Variants in ENTHD1 observed in about 807,000 individuals in gnomAD.
ENTHD1 encodes ENTH domain-containing protein 1.
ENTHD1 carries 23 observed loss-of-function variants against 39.1 expected under a neutral mutation model. The ratio of observed to expected loss-of-function variants is 0.59; its 90% CI spans 0.42 to 0.83. ENTHD1 has a LOEUF of 0.83. Among genes scored for constraint, ENTHD1 ranks in the 40% least tolerant of loss-of-function variants. The pLI is 0.00. For missense variants in ENTHD1, 624 were observed against 705.4 expected (o/e 0.88, Z 1.31); for synonymous variants, 230 against 258.2 (o/e 0.89, Z 1.05).
chr22:39,828,609 G>A (rs1189322855), intron 4 of ENTHD1, among the ~76,000 whole-genome samples: 1 of 152,034 alleles, frequency 6.6e-6, no homozygotes, highest in African/African-American at 2.4e-5. Flanking sequence ...TGAAGGTTTC[G>A]GTCAGCTTTA....
intron 2 of ENTHD1, among the ~76,000 whole-genome samples, chr22:39,880,748 C>A (rs1471273732): frequency 6.6e-6 from 1 of 152,190 alleles, no homozygotes; most frequent in African/African-American, 2.4e-5. Flanking sequence ...TCCCTTCCAT[C>A]CTGCTATATG....
At chr22:39,875,277 ATACAGT>A in intron 2 of ENTHD1, 1 of 1,230,632 alleles carries the variant, frequency 8.1e-7, no homozygotes, top group Non-Finnish European at 1.0e-6. Context: ...CAACAAATCT[ATACAGT>A]TAAAGAAATT....
intron 2 of ENTHD1, chr22:39,876,034 G>A: frequency 2.9e-5 from 46 of 1,613,922 alleles, no homozygotes; most frequent in South Asian, 6.6e-5. Flanking sequence ...CATCTGGCAG[G>A]ATCAGATTGG....
intron 5 of ENTHD1, among the ~76,000 whole-genome samples, chr22:39,778,520 G>A (rs113400572): frequency 3.3e-5 from 5 of 152,004 alleles, no homozygotes; most frequent in African/African-American, 4.8e-5. Context: ...ATATCATTTC[G>A]ATCATAAATT....
rs921359557 is a variant in ENTHD1, at chr22:39,891,625, A to T, written c.-156+2070T>A. On this transcript the variant is annotated intron_variant, in intron 1 of 6. Coordinates refer to ENST00000325157, the MANE Select transcript of ENTHD1 (RefSeq NM_152512.4). Reference sequence around the variant, plus strand: ...CCTAACTAATTAAAAAAAAAATTTTATTTTTTTTTTTGAGATAGGGTCTTG... The same window carrying T: ...CCTAACTAATTAAAAAAAAAATTTTTTTTTTTTTTTTGAGATAGGGTCTTG... Among the ~76,000 whole-genome samples the T allele has an allele frequency of 5.4e-4, 78 of 143,500 alleles. 1 individual carries two copies. Among genetic ancestry groups the T allele is most frequent in the Admixed American group, 5.3e-3 (76 of 14,364 alleles). 94.1% of individuals were successfully genotyped at this position (143,500 alleles called of 152,430 possible). A position where few individuals can be genotyped will look rare whatever the true frequency, so the allele number is the denominator to read the frequency against.
intron 1 of ENTHD1, among the ~76,000 whole-genome samples, chr22:39,892,231 T>G (rs983100954): frequency 6.6e-6 from 1 of 152,188 alleles, no homozygotes; most frequent in African/African-American, 2.4e-5. Flanking sequence ...GGTCTTTTAG[T>G]GTTATTTTTA....
At chr22:39,826,497 T>G (rs2065827686) in intron 4 of ENTHD1, among the ~76,000 whole-genome samples, 1 of 152,188 alleles carries the variant, frequency 6.6e-6, no homozygotes, top group Admixed American at 6.5e-5. Flanking sequence ...CTGAGTTTCC[T>G]GAGGAAAGAA....
At chr22:39,840,456 C>A (rs1036433078) in intron 3 of ENTHD1, among the ~76,000 whole-genome samples, 16 of 152,196 alleles carry the variant, frequency 1.1e-4, no homozygotes, top group African/African-American at 3.4e-4. Context: ...ATGCACCATA[C>A]ATTTTGGAAA....
At chr22:39,768,378 A>G (rs2065295375) in intron 5 of ENTHD1, among the ~76,000 whole-genome samples, 1 of 152,156 alleles carries the variant, frequency 6.6e-6, no homozygotes, top group South Asian at 2.1e-4. Context: ...ATGAGCATTT[A>G]GGTCCATTTA....
intron 5 of ENTHD1, among the ~76,000 whole-genome samples, chr22:39,810,397 T>C (rs2065676072): frequency 6.6e-6 from 1 of 152,212 alleles, no homozygotes; most frequent in South Asian, 2.1e-4. Flanking sequence ...CCTCTAGTTA[T>C]TTCCATGGTC....
At chr22:39,845,834 TTGTC>T (rs1195238612) in intron 3 of ENTHD1, among the ~76,000 whole-genome samples, 1 of 152,194 alleles carries the variant, frequency 6.6e-6, no homozygotes, top group Non-Finnish European at 1.5e-5. Flanking sequence ...TACTAATCCT[TTGTC>T]AGTTATATGC....
At chr22:39,779,479 A>T (rs2146582427) in intron 5 of ENTHD1, among the ~76,000 whole-genome samples, 1 of 152,266 alleles carries the variant, frequency 6.6e-6, no homozygotes, top group South Asian at 2.1e-4. Flanking sequence ...GGGAGAATTC[A>T]CTACCATCAG....
rs2065847924 is a variant in ENTHD1, at chr22:39,829,171, A to G, written c.711+6669T>C. ...TTGGAATGTAACAAATGCTCCTAAT[A>G]GTAATAAGAAAAGATGCTTGTCAAG... On this transcript the variant is annotated intron_variant, in intron 4 of 6. Transcript: ENST00000325157. Among the ~76,000 whole-genome samples, 8 of 152,356 alleles carry G rather than the reference A, an allele frequency of 5.3e-5. No homozygotes were observed. In the South Asian group the frequency reaches 1.4e-3, roughly 28 times the overall value.
chr22:39,835,641 A>G (rs1569160629), intron 4 of ENTHD1, among the ~76,000 whole-genome samples, 199 bp downstream of exon 4: 1 of 152,152 alleles, frequency 6.6e-6, no homozygotes, highest in African/African-American at 2.4e-5. Context: ...CAAAAGACAA[A>G]TTTAAAAAAA....
chr22:39,869,983 CTTTATTTATTTATTTA>C (rs137943), intron 2 of ENTHD1, among the ~76,000 whole-genome samples: 1 of 140,630 alleles, frequency 7.1e-6, no homozygotes, highest in African/African-American at 2.6e-5. Context: ...GAGAACAGTA[CTTTATTTATTTATTTA>C]TTTATTTATT....
At chr22:39,779,602 T>G (rs1196915120) in intron 5 of ENTHD1, among the ~76,000 whole-genome samples, 1 of 151,496 alleles carries the variant, frequency 6.6e-6, no homozygotes, top group East Asian at 1.9e-4. Flanking sequence ...CTGGCAAAAT[T>G]AAGTACATGG....
chr22:39,853,854 C>A (rs2066063863), intron 3 of ENTHD1, among the ~76,000 whole-genome samples: 1 of 152,174 alleles, frequency 6.6e-6, no homozygotes, highest in Admixed American at 6.5e-5. Flanking sequence ...GGATTGCAGG[C>A]ATGAGCCACT....
Position 39,861,897 on chromosome 22 carries a change from A to G in ENTHD1, c.460T>C (p.Ser154Pro). 3.7e-6 allele frequency: 6 copies of G among 1,604,998 alleles called. No homozygotes were observed. Among genetic ancestry groups the G allele is most frequent in the Non-Finnish European group, 4.3e-6 (5 of 1,173,794 alleles). Reference sequence around the variant, plus strand: ...AGTTGTCTTTTAGAAAACAATATAGAGTGGGAGGTACGCTGTCTAGTCCGA... The same window carrying G: ...AGTTGTCTTTTAGAAAACAATATAGGGTGGGAGGTACGCTGTCTAGTCCGA... ...ACRTRQRTSHSILFSKRQLGS... is the reference protein window; with the variant it reads ...ACRTRQRTSHPILFSKRQLGS... Residue 154 changes from serine (S) to proline (P), a missense_variant, in exon 3 of 7, where the codon TCT (serine) becomes CCT (proline). Coordinates refer to ENST00000325157, the MANE Select transcript of ENTHD1 (RefSeq NM_152512.4).
chr22:39,837,422 A>C (rs2146679346), intron 3 of ENTHD1, among the ~76,000 whole-genome samples: 1 of 152,292 alleles, frequency 6.6e-6, no homozygotes, highest in South Asian at 2.1e-4. Context: ...CCCATTTTAC[A>C]AAAGAAAGGC....
Sources: allele counts gnomAD v4.1 joint callset (sites outside exome capture counted in the v4.1 genomes callset), GRCh38; gene constraint gnomAD v4.1.1; transcripts MANE v1.5; gene names NCBI Gene and HGNC (gene_info 2026-07-23, HGNC 2026-07-21).